Variants in PRKAG2 observed in about 807,000 individuals in gnomAD.
The protein encoded by PRKAG2 is protein kinase AMP-activated non-catalytic subunit gamma 2, also known as 5'-AMP-activated protein kinase subunit gamma-2.
PRKAG2 carries 26 observed loss-of-function variants against 69.6 expected under a neutral mutation model. That is an observed-to-expected ratio of 0.37 (90% CI 0.27 to 0.52). The LOEUF (loss-of-function observed/expected upper bound fraction) is 0.52. PRKAG2 is among the 20% of genes least tolerant of loss of function. The pLI, the probability that PRKAG2 is intolerant of heterozygous loss-of-function variation, is 0.90. For missense variants in PRKAG2, 557 were observed against 740.0 expected (o/e 0.75, Z 2.87); for synonymous variants, 293 against 285.0 (o/e 1.03, Z -0.28).
chr7:151,561,733 G>A (rs1805011335), intron 14 of PRKAG2, among the ~76,000 whole-genome samples: 1 of 151,002 alleles, frequency 6.6e-6, no homozygotes, highest in Non-Finnish European at 1.5e-5. Flanking sequence ...AGGAGTTCAA[G>A]ACCAGCCTGA....
intron 3 of PRKAG2, among the ~76,000 whole-genome samples, chr7:151,743,948 C>T (rs545990755): frequency 1.3e-5 from 2 of 152,326 alleles, no homozygotes; most frequent in South Asian, 2.1e-4. Flanking sequence ...CCAGCCCCCC[C>T]ACATCTGGAT....
At chr7:151,870,449 T>C (rs1314679974) in intron 1 of PRKAG2, among the ~76,000 whole-genome samples, 1 of 152,212 alleles carries the variant, frequency 6.6e-6, no homozygotes, top group Non-Finnish European at 1.5e-5. Context: ...CACACTTTGT[T>C]AAACATTGCC....
intron 15 of PRKAG2, chr7:151,558,459 C>T: frequency 1.0e-6 from 1 of 984,998 alleles, no homozygotes; most frequent in Non-Finnish European, 1.2e-6. Context: ...TCAGCCGGCT[C>T]CTTCTCTACT....
chr7:151,842,761 G>A (rs2079340861), intron 1 of PRKAG2, among the ~76,000 whole-genome samples: 1 of 151,824 alleles, frequency 6.6e-6, no homozygotes, highest in Non-Finnish European at 1.5e-5. Flanking sequence ...GTGATGGGTA[G>A]TGATGGTAGG....
intron 3 of PRKAG2, among the ~76,000 whole-genome samples, chr7:151,766,179 G>C (rs1165199119): frequency 6.6e-6 from 1 of 152,240 alleles, no homozygotes; most frequent in African/African-American, 2.4e-5. Context: ...AGGTGTCACT[G>C]TAACTTCTCA....
intron 1 of PRKAG2, among the ~76,000 whole-genome samples, chr7:151,821,598 T>A (rs2078781011): frequency 1.4e-5 from 2 of 143,788 alleles, no homozygotes; most frequent in African/African-American, 4.9e-5. Context: ...TAAACCACAC[T>A]GCACAAAACC....
At position 151,686,349 on chromosome 7, in the gene PRKAG2, T is replaced by C. The variant is rs118022049; in HGVS notation, c.467-10712A>G. 4.0e-3 allele frequency among the ~76,000 whole-genome samples: 602 copies of C among 152,342 alleles called. 2 individuals carry two copies. The highest frequency in any genetic ancestry group is 7.0e-3 in the Non-Finnish European group (479 of 68,032). On this transcript the variant is annotated intron_variant, in intron 3 of 15. Coordinates refer to ENST00000287878, the MANE Select transcript of PRKAG2 (RefSeq NM_016203.4). The stretch of plus-strand genomic sequence containing the variant: ...AGTAATTGTTAGTTCCCATTCTTTA[T>C]GGTCATGTGGTCCGAGTGCCTCCAT...
intron 3 of PRKAG2, among the ~76,000 whole-genome samples, chr7:151,728,243 G>A (rs1422808001): frequency 6.6e-6 from 1 of 152,134 alleles, no homozygotes; most frequent in Admixed American, 6.5e-5. Context: ...GTTGATTTAC[G>A]CTGAGAGCAC....
chr7:151,559,895 C>T, intron 15 of PRKAG2: 10 of 985,270 alleles, frequency 1.0e-5, no homozygotes, highest in Non-Finnish European at 1.2e-5. Context: ...CTCAAGCCCA[C>T]CTCTTACTAC....
rs775890635 is a variant in PRKAG2, at chr7:151,632,177, C to T, written c.685-39G>A. On this transcript the variant is annotated intron_variant, in intron 4 of 15. Coordinates refer to ENST00000287878, the MANE Select transcript of PRKAG2 (RefSeq NM_016203.4). The surrounding 1 kb of genome is among the most constrained non-coding windows in gnomAD (Gnocchi z 4.2). ...GGAGGACAGCGATCAGCATGAGCTGCGACGCTCGTCCCCGGCCGGCGGGCT... is the reference window on the plus strand; with the variant it reads ...GGAGGACAGCGATCAGCATGAGCTGTGACGCTCGTCCCCGGCCGGCGGGCT... 8.8e-5 allele frequency: 112 copies of T among 1,269,656 alleles called. No homozygotes were observed. Among genetic ancestry groups the T allele is most frequent in the Non-Finnish European group, 1.1e-4 (109 of 997,730 alleles). 78.6% of individuals were successfully genotyped at this position (1,269,656 alleles called of 1,614,324 possible).
chr7:151,725,070 C>T (rs747531103), intron 3 of PRKAG2, among the ~76,000 whole-genome samples: 10 of 152,058 alleles, frequency 6.6e-5, no homozygotes, highest in African/African-American at 1.4e-4. Context: ...GGAGCGAGGT[C>T]GGCCCTGCCT....
chr7:151,674,676 G>T (rs934584627), intron 4 of PRKAG2, among the ~76,000 whole-genome samples: 8 of 152,048 alleles, frequency 5.3e-5, no homozygotes, highest in East Asian at 1.9e-4. Flanking sequence ...TCTATGAAAT[G>T]CTCCCCTTCC....
intron 1 of PRKAG2, among the ~76,000 whole-genome samples, chr7:151,854,708 T>C (rs3813852): frequency 0.15 from 22,928 of 152,226 alleles, 2,055 homozygotes; most frequent in South Asian, 0.22. Flanking sequence ...GCTCAGGGCA[T>C]GAGTACGGCC....
chr7:151,800,326 C>T (rs2077771377), intron 1 of PRKAG2, among the ~76,000 whole-genome samples: 1 of 150,202 alleles, frequency 6.7e-6, no homozygotes, highest in Non-Finnish European at 1.5e-5. Context: ...CCACTGCACT[C>T]CAGCCTGGGC....
At chr7:151,823,589 G>A (rs915636663) in intron 1 of PRKAG2, among the ~76,000 whole-genome samples, 1 of 151,926 alleles carries the variant, frequency 6.6e-6, no homozygotes, top group Non-Finnish European at 1.5e-5. Flanking sequence ...CTGGCCTACT[G>A]GGCCATCTGG....
At chr7:151,796,318 A>AC (rs1353661324) in intron 1 of PRKAG2, among the ~76,000 whole-genome samples, 1 of 152,144 alleles carries the variant, frequency 6.6e-6, no homozygotes, top group Non-Finnish European at 1.5e-5. Context: ...GGGCCCAGTG[A>AC]GACACCCACA....
chr7:151,661,667 G>A (rs1019978609), intron 4 of PRKAG2, among the ~76,000 whole-genome samples: 7 of 152,130 alleles, frequency 4.6e-5, no homozygotes, highest in African/African-American at 7.2e-5. Context: ...AGTCCTGCAC[G>A]AAGCCTCCAA....
intron 3 of PRKAG2, among the ~76,000 whole-genome samples, chr7:151,712,535 G>A (rs774810462): frequency 4.6e-5 from 7 of 152,232 alleles, no homozygotes; most frequent in Non-Finnish European, 7.3e-5. Flanking sequence ...TGCTCTTGTT[G>A]GCCCTGATGA....
chr7:151,773,084 AGGG>A (rs2076152134), intron 3 of PRKAG2, among the ~76,000 whole-genome samples: 1 of 27,034 alleles, frequency 3.7e-5, no homozygotes, highest in African/African-American at 1.6e-4. Flanking sequence ...GGAGGGAGGG[AGGG>A]AGGGAGGGAA....
Sources: allele counts gnomAD v4.1 joint callset (sites outside exome capture counted in the v4.1 genomes callset), GRCh38; gene constraint gnomAD v4.1.1; non-coding constraint Gnocchi (gnomAD v3.1); transcripts MANE v1.5; gene names NCBI Gene and HGNC (gene_info 2026-07-23, HGNC 2026-07-21).